EDIL3: variants seen among roughly 807,000 people sequenced by gnomAD.
The protein encoded by EDIL3 is EGF like and discoidin domains 3.
A neutral mutation model predicts 67.4 loss-of-function variants in EDIL3; 37 were observed. The ratio of observed to expected loss-of-function variants is 0.55; its 90% CI spans 0.42 to 0.72. The LOEUF is 0.72. EDIL3 is among the 30% of genes least tolerant of loss of function. The pLI, the probability that EDIL3 is intolerant of heterozygous loss-of-function variation, is 0.00. For missense variants in EDIL3, 527 were observed against 586.3 expected, an observed-to-expected ratio of 0.90 and a Z score of 1.04; for synonymous variants, 195 against 196.3, an observed-to-expected ratio of 0.99 and a Z score of 0.05.
At chr5:84,142,903 G>A (rs774126850) in intron 4 of EDIL3, among the ~76,000 whole-genome samples, 15 of 147,210 alleles carry the variant, frequency 1.0e-4, no homozygotes, top group East Asian at 2.0e-4. Flanking sequence ...TCTTTCCTCC[G>A]GCAATATTGT....
At chr5:83,964,668 A>AATATTTT (rs1194095668) in intron 9 of EDIL3, among the ~76,000 whole-genome samples, 2 of 151,982 alleles carry the variant, frequency 1.3e-5, no homozygotes, top group Non-Finnish European at 2.9e-5. Context: ...GTGAATATTC[A>AATATTTT]ATATTTTTGA....
chr5:83,968,324 T>C (rs1170544620), intron 9 of EDIL3, among the ~76,000 whole-genome samples: 6 of 152,066 alleles, frequency 3.9e-5, no homozygotes, highest in Non-Finnish European at 7.4e-5. Flanking sequence ...ACATAAGCAT[T>C]CTAGCACTCA....
At chr5:84,106,523 T>A in intron 6 of EDIL3, 126 bp downstream of exon 6, 1 of 1,190,908 alleles carries the variant, frequency 8.4e-7, no homozygotes, top group Non-Finnish European at 1.1e-6. Context: ...AACTCTTCAC[T>A]AAATTACCCT....
intron 6 of EDIL3, among the ~76,000 whole-genome samples, chr5:84,075,323 C>T (rs552042611): frequency 6.6e-6 from 1 of 151,882 alleles, no homozygotes; most frequent in Admixed American, 6.6e-5. Flanking sequence ...ACATTGTGCA[C>T]ATGTACCCTA....
chr5:83,992,315 A>G (rs1745164350), intron 9 of EDIL3, among the ~76,000 whole-genome samples: 1 of 152,210 alleles, frequency 6.6e-6, no homozygotes, highest in Non-Finnish European at 1.5e-5. Flanking sequence ...ATCTATGTTC[A>G]ATCCACAGAC....
chr5:84,066,414 T>C, intron 7 of EDIL3, 37 bp downstream of exon 7: 2 of 1,551,672 alleles, frequency 1.3e-6, no homozygotes, highest in Non-Finnish European at 8.7e-7. Context: ...ATCAATGACA[T>C]TTTTCTTTTA....
intron 1 of EDIL3, among the ~76,000 whole-genome samples, chr5:84,300,963 A>C (rs1298973564): frequency 7.4e-6 from 1 of 134,362 alleles, no homozygotes; most frequent in Non-Finnish European, 1.7e-5. Flanking sequence ...CGTCTCATAA[A>C]ATATTTTAAA....
chr5:83,965,127 C>T (rs183239832), intron 9 of EDIL3, among the ~76,000 whole-genome samples: 2 of 152,040 alleles, frequency 1.3e-5, no homozygotes, highest in African/African-American at 4.8e-5. Flanking sequence ...ACGGATCAGT[C>T]ATTGATTTTT....
At chr5:84,302,538 C>T (rs898696772) in intron 1 of EDIL3, among the ~76,000 whole-genome samples, 2 of 152,130 alleles carry the variant, frequency 1.3e-5, no homozygotes, top group East Asian at 1.9e-4. Context: ...CCTCGTGATC[C>T]GCCTGCCTCG....
intron 4 of EDIL3, among the ~76,000 whole-genome samples, chr5:84,165,483 G>T (rs1748688959): frequency 6.6e-6 from 1 of 152,104 alleles, no homozygotes; most frequent in East Asian, 1.9e-4. Context: ...TCTAAGTGCT[G>T]CTAGCTCCTG....
chr5:84,068,735 T>C (rs1029230617), intron 6 of EDIL3, among the ~76,000 whole-genome samples: 4 of 152,172 alleles, frequency 2.6e-5, no homozygotes, highest in South Asian at 4.1e-4. Flanking sequence ...TCAGGCTCAC[T>C]AAGTTTTAGT....
At chr5:83,966,596 T>C (rs1561387859) in intron 9 of EDIL3, among the ~76,000 whole-genome samples, 2 of 152,038 alleles carry the variant, frequency 1.3e-5, no homozygotes, top group Non-Finnish European at 2.9e-5. Context: ...TGGTTTGGGG[T>C]ACCAAGTTGG....
chr5:84,182,763 G>A (rs1028678596), intron 3 of EDIL3, among the ~76,000 whole-genome samples: 10 of 151,778 alleles, frequency 6.6e-5, no homozygotes, highest in South Asian at 2.1e-4. Context: ...TTGACTTCCC[G>A]ATAGGACTGA....
At chr5:84,150,950 A>G (rs967740933) in intron 4 of EDIL3, among the ~76,000 whole-genome samples, 2 of 152,102 alleles carry the variant, frequency 1.3e-5, no homozygotes, top group African/African-American at 4.8e-5. Flanking sequence ...TATTTATACA[A>G]ATTTCTAGAA....
At chr5:84,106,887 T>C (rs1747476427) in intron 5 of EDIL3, 57 bp from the exon 6 acceptor site, 1 of 1,500,166 alleles carries the variant, frequency 6.7e-7, no homozygotes, top group African/African-American at 1.4e-5. Flanking sequence ...ATATACAACA[T>C]GTGTCTGTTC....
intron 9 of EDIL3, among the ~76,000 whole-genome samples, chr5:84,022,872 T>C (rs1016667701): frequency 1.3e-5 from 2 of 152,010 alleles, no homozygotes; most frequent in Non-Finnish European, 2.9e-5. Context: ...CAATGTACTA[T>C]ATATTTCAAA....
At chr5:84,132,830 C>T (rs1748016777) in intron 5 of EDIL3, among the ~76,000 whole-genome samples, 1 of 151,376 alleles carries the variant, frequency 6.6e-6, no homozygotes, top group Admixed American at 6.6e-5. Context: ...TTTGCAAAAA[C>T]TGGATAATTA....
At position 84,066,620 on chromosome 5, in the gene EDIL3, C is replaced by T. The variant is rs1265924476; in HGVS notation, c.652-14G>A. 1.2e-6 allele frequency: 2 copies of T among 1,609,306 alleles called. No homozygotes were observed. Among genetic ancestry groups the T allele is most frequent in the Admixed American group, 1.7e-5 (1 of 58,936 alleles). The stretch of plus-strand genomic sequence containing the variant: ...TTGCAAATTTATCTGAAAAGACGAG[C>T]ACAACCAACAATAATCTTATTGTTT... On this transcript the variant is annotated splice_polypyrimidine_tract_variant and intron_variant, in intron 6 of 10. Transcript: ENST00000296591.
intron 4 of EDIL3, among the ~76,000 whole-genome samples, chr5:84,175,929 C>G (rs1024782261): frequency 2.6e-5 from 4 of 151,682 alleles, no homozygotes; most frequent in Non-Finnish European, 4.4e-5. Flanking sequence ...AGACAAAGCA[C>G]GTAATTGCCA....
Sources: gnomAD v4.1 joint callset for allele counts (sites outside exome capture counted in the v4.1 genomes callset) on GRCh38, gnomAD v4.1.1 for gene constraint, MANE v1.5 for transcripts, NCBI Gene and HGNC (gene_info 2026-07-23, HGNC 2026-07-21) for gene names.